Variants in SLC26A7 observed in about 807,000 individuals in gnomAD.
SLC26A7 encodes anion exchange transporter.
Under a neutral mutation model 82.5 loss-of-function variants are expected in SLC26A7, and 59 were observed. The ratio of observed to expected loss-of-function variants is 0.72; its 90% CI spans 0.58 to 0.89. The LOEUF is 0.89. Among genes scored for constraint, SLC26A7 ranks in the 40% least tolerant of loss-of-function variants. The pLI, the probability that SLC26A7 is intolerant of heterozygous loss-of-function variation, is 0.00. For missense variants in SLC26A7, 820 were observed against 793.0 expected, an observed-to-expected ratio of 1.03 and a Z score of -0.41; for synonymous variants, 271 against 274.3, an observed-to-expected ratio of 0.99 and a Z score of 0.12.
intron 6 of SLC26A7, 97 bp from the exon 7 acceptor site, chr8:91,338,053 G>T: frequency 1.5e-6 from 1 of 648,506 alleles, no homozygotes; most frequent in Non-Finnish European, 2.4e-6. Context: ...GATGTTTATG[G>T]GACATGAGAA....
intron 3 of SLC26A7, among the ~76,000 whole-genome samples, chr8:91,294,167 C>T (rs1811952178): frequency 6.6e-6 from 1 of 152,166 alleles, no homozygotes; most frequent in African/African-American, 2.4e-5. Flanking sequence ...TAGACCATAA[C>T]AGAGCATTCT....
At chr8:91,254,567 A>G (rs1810749561) in intron 2 of SLC26A7, among the ~76,000 whole-genome samples, 2 of 152,094 alleles carry the variant, frequency 1.3e-5, no homozygotes, top group Non-Finnish European at 2.9e-5. Flanking sequence ...ATTGTCTGTT[A>G]CTGATTTTTA....
chr8:91,308,592 G>T (rs1348947320), intron 4 of SLC26A7, among the ~76,000 whole-genome samples: 1 of 152,072 alleles, frequency 6.6e-6, no homozygotes, highest in Non-Finnish European at 1.5e-5. Flanking sequence ...AAGTCATTAT[G>T]AATAGCCCAC....
chr8:91,267,523 C>G (rs1473860494), intron 2 of SLC26A7, among the ~76,000 whole-genome samples: 1 of 151,788 alleles, frequency 6.6e-6, no homozygotes, highest in Non-Finnish European at 1.5e-5. Context: ...TCCATTTCTT[C>G]CAGATTTCCC....
At chr8:91,242,280 T>A (rs1405973618) in intron 2 of SLC26A7, among the ~76,000 whole-genome samples, 2 of 152,210 alleles carry the variant, frequency 1.3e-5, no homozygotes, top group African/African-American at 4.8e-5. Flanking sequence ...GAGCTCTCCA[T>A]ATCTTTTTGG....
intron 2 of SLC26A7, among the ~76,000 whole-genome samples, chr8:91,222,495 G>C (rs1267158743): frequency 6.6e-6 from 1 of 152,078 alleles, no homozygotes; most frequent in African/African-American, 2.4e-5. Context: ...TATGATATTT[G>C]CTGTGGATTT....
intron 4 of SLC26A7, among the ~76,000 whole-genome samples, chr8:91,299,439 A>G (rs984688986): frequency 4.0e-5 from 6 of 151,412 alleles, no homozygotes; most frequent in Middle Eastern, 3.2e-3. Context: ...CTTTTTATAT[A>G]TACATTCCTG....
intron 12 of SLC26A7, among the ~76,000 whole-genome samples, chr8:91,362,799 A>T (rs1814086643): frequency 6.6e-6 from 1 of 152,120 alleles, no homozygotes; most frequent in African/African-American, 2.4e-5. Context: ...AATGATCACA[A>T]ACCATTTCAC....
chr8:91,392,422 T>G (rs1434194191), intron 16 of SLC26A7, among the ~76,000 whole-genome samples: 1 of 152,208 alleles, frequency 6.6e-6, no homozygotes, highest in African/African-American at 2.4e-5. Context: ...GGCTTAAAAA[T>G]GATGTATTGC....
intron 2 of SLC26A7, among the ~76,000 whole-genome samples, chr8:91,242,326 T>C (rs1365530175): frequency 6.6e-6 from 1 of 152,238 alleles, no homozygotes; most frequent in African/African-American, 2.4e-5. Flanking sequence ...TGTTCTCAAA[T>C]AATGCCTACT....
intron 11 of SLC26A7, chr8:91,357,115 A>G (rs952340422): frequency 6.6e-6 from 1 of 152,170 alleles, no homozygotes; most frequent in Non-Finnish European, 1.5e-5. Flanking sequence ...TATCAAATAA[A>G]TCTCTATGAG....
intron 2 of SLC26A7, among the ~76,000 whole-genome samples, chr8:91,271,297 C>T (rs1811260392): frequency 6.6e-6 from 1 of 152,076 alleles, no homozygotes; most frequent in South Asian, 2.1e-4. Context: ...TTGTATGCTG[C>T]ATATTCTCTT....
Position 91,351,845 on chromosome 8 carries a change from A to G in SLC26A7, c.1176A>G (p.Ile392Met). 6.2e-7 allele frequency: 1 copy of G among 1,612,576 alleles called. No individual in the cohort carries two copies. The highest frequency in any genetic ancestry group is 8.5e-7 in the Non-Finnish European group (1 of 1,178,962). ...TAATATCTTGCATTTTCGTCCTTAT[A>G]GTCATCTATGCAATAGGACCTTTGC... ...ACLISCIFVL[I>M]VIYAIGPLLY... Residue 392 changes from isoleucine to methionine, a missense_variant, in exon 10 of 19, where the codon ATA (isoleucine) becomes ATG (methionine). Coordinates refer to ENST00000276609, the MANE Select transcript of SLC26A7 (RefSeq NM_052832.4).
intron 15 of SLC26A7, 109 bp from the exon 16 acceptor site, chr8:91,389,229 A>T (rs10086685): frequency 1.4e-6 from 1 of 717,478 alleles, no homozygotes; most frequent in Non-Finnish European, 2.5e-6. Context: ...AGTGTTTAGA[A>T]TTACTGTTGT....
At chr8:91,283,723 C>T (rs1563659138) in intron 2 of SLC26A7, among the ~76,000 whole-genome samples, 1 of 152,182 alleles carries the variant, frequency 6.6e-6, no homozygotes, top group Non-Finnish European at 1.5e-5. Context: ...CACGACATCA[C>T]TCTGCCATCT....
intron 8 of SLC26A7, 103 bp downstream of exon 8, chr8:91,340,654 CTG>C: frequency 6.9e-7 from 1 of 1,450,522 alleles, no homozygotes; most frequent in Non-Finnish European, 9.6e-7. Flanking sequence ...ACTTTCCTAA[CTG>C]TACAGCAAGA....
At chr8:91,382,784 T>C (rs899844645) in intron 15 of SLC26A7, among the ~76,000 whole-genome samples, 4 of 152,214 alleles carry the variant, frequency 2.6e-5, no homozygotes, top group Admixed American at 6.5e-5. Context: ...TCCTTCATTG[T>C]CCAATGAACA....
chr8:91,229,013 GA>G (rs1563635477), intron 2 of SLC26A7, among the ~76,000 whole-genome samples: 1 of 152,170 alleles, frequency 6.6e-6, no homozygotes, highest in Non-Finnish European at 1.5e-5. Context: ...CCAAACTTAG[GA>G]GTGGACGGAC....
At chr8:91,270,652 A>C (rs1811244062) in intron 2 of SLC26A7, among the ~76,000 whole-genome samples, 1 of 152,208 alleles carries the variant, frequency 6.6e-6, no homozygotes, top group African/African-American at 2.4e-5. Context: ...CAAGTGAAAT[A>C]GGTAAGCTGA....
Sources: allele counts gnomAD v4.1 joint callset (sites outside exome capture counted in the v4.1 genomes callset), GRCh38; gene constraint gnomAD v4.1.1; transcripts MANE v1.5; gene names NCBI Gene and HGNC (gene_info 2026-07-23, HGNC 2026-07-21).